Variants in ATP2B1 observed in about 807,000 individuals in gnomAD.
ATP2B1 encodes ATPase plasma membrane Ca2+ transporting 1, also known as plasma membrane calcium-transporting ATPase 1.
In ATP2B1, 14 loss-of-function variants were observed where a neutral mutation model predicts 124.2. That is an observed-to-expected ratio of 0.11 (90% confidence interval 0.07 to 0.18). The LOEUF is 0.18. ATP2B1 is among the 10% of genes least tolerant of loss of function. The pLI is 1.00. For synonymous variants in ATP2B1, 449 were observed against 492.4 expected, an observed-to-expected ratio of 0.91 and a Z score of 1.17; for missense variants, 763 against 1,466.1, an observed-to-expected ratio of 0.52 and a Z score of 7.83.
In ATP2B1 at chr12:89,608,200, G is replaced by A. The variant is rs562570953; in HGVS notation, c.2442+1737C>T. ...ATTTATTTATTTCAGACAGAGTCTC[G>A]CTCTGTCACCTAGGCTGGAGTGCAG... On this transcript the variant is annotated intron_variant, in intron 15 of 20. Transcript: ENST00000428670. Among the ~76,000 whole-genome samples, 66 of 152,118 alleles carry A rather than the reference G, an allele frequency of 4.3e-4. 1 individual carries two copies. Among genetic ancestry groups the A allele is most frequent in the South Asian group, 1.7e-3 (8 of 4,824 alleles).
At chr12:89,639,164 G>C (rs1177081681) in intron 3 of ATP2B1, among the ~76,000 whole-genome samples, 1 of 152,148 alleles carries the variant, frequency 6.6e-6, no homozygotes, top group African/African-American at 2.4e-5. Flanking sequence ...TCAGTGTTGA[G>C]ATGTAACGAG....
intron 3 of ATP2B1, among the ~76,000 whole-genome samples, chr12:89,639,533 T>A (rs922656127): frequency 2.7e-5 from 4 of 150,368 alleles, no homozygotes; most frequent in Middle Eastern, 3.6e-3. Flanking sequence ...TCTATATATT[T>A]TATATATATA....
intron 1 of ATP2B1, among the ~76,000 whole-genome samples, chr12:89,664,012 T>G (rs1053218776): frequency 6.6e-6 from 1 of 152,228 alleles, no homozygotes; most frequent in Non-Finnish European, 1.5e-5. Context: ...ATAATAAAAA[T>G]TTATTTGCAT....
intron 1 of ATP2B1, among the ~76,000 whole-genome samples, chr12:89,677,971 T>TATACACACACACACACACACACACAC (rs1461216851): frequency 1.9e-5 from 1 of 52,308 alleles, no homozygotes; most frequent in Non-Finnish European, 4.0e-5. Flanking sequence ...TATATATATA[T>TATACACACACACACACACACACACAC]ACACACACAC....
rs144784444 is a variant in ATP2B1 at position 89,642,729 on chromosome 12, C to T, written c.209-374G>A. Among the ~76,000 whole-genome samples, 74 of 152,172 alleles carry T rather than the reference C, an allele frequency of 4.9e-4. 1 individual carries two copies. In the East Asian group the frequency reaches 0.013, roughly 27 times the overall value. On this transcript the variant is annotated intron_variant, in intron 2 of 20. Transcript: ENST00000428670. ...AAGTGATTCTCCTACCTCACCTTCT[C>T]GAGTAGCTGGGACTATAGGTGCATG...
At chr12:89,649,058 A>G (rs1884895244) in intron 2 of ATP2B1, among the ~76,000 whole-genome samples, 1 of 152,266 alleles carries the variant, frequency 6.6e-6, no homozygotes, top group African/African-American at 2.4e-5. Flanking sequence ...TGGTGCCACA[A>G]GAGAAGCCCG....
At chr12:89,620,818 C>T (rs1019442458) in intron 10 of ATP2B1, among the ~76,000 whole-genome samples, 1 of 152,106 alleles carries the variant, frequency 6.6e-6, no homozygotes, top group African/African-American at 2.4e-5. Context: ...AAGAAGGTAG[C>T]TCAGACTTTC....
intron 1 of ATP2B1, among the ~76,000 whole-genome samples, chr12:89,693,674 TA>T (rs907098185): frequency 2.6e-5 from 4 of 152,254 alleles, no homozygotes; most frequent in African/African-American, 9.6e-5. Context: ...TGCTTGATTC[TA>T]AACAGTCTTT....
At chr12:89,625,725 A>T (rs1880769303) in intron 8 of ATP2B1, among the ~76,000 whole-genome samples, 1 of 152,196 alleles carries the variant, frequency 6.6e-6, no homozygotes, top group African/African-American at 2.4e-5. Context: ...CCAACACTAC[A>T]TGAGTCAGCA....
chr12:89,686,705 T>C lies in ATP2B1; in HGVS notation c.-222+21891A>G, dbSNP rs551274953. Among the ~76,000 whole-genome samples, 3 of 152,128 alleles carry C rather than the reference T, an allele frequency of 2.0e-5. No homozygotes were observed. The East Asian group carries it at 5.8e-4, about 29-fold the overall frequency. On this transcript the variant is annotated intron_variant, in intron 1 of 20. Transcript: ENST00000428670. ...GGCCATTTCCATGTTTCACTATGCC[T>C]ACATCGGTGCATGGCATATTTATGT...
At chr12:89,648,266 G>C (rs970130223) in intron 2 of ATP2B1, among the ~76,000 whole-genome samples, 1 of 152,150 alleles carries the variant, frequency 6.6e-6, no homozygotes, top group African/African-American at 2.4e-5. Flanking sequence ...CTGGTTAAAC[G>C]GTTCTGACCA....
chr12:89,660,264 C>G (rs1378195956), intron 1 of ATP2B1, among the ~76,000 whole-genome samples: 1 of 152,074 alleles, frequency 6.6e-6, no homozygotes, highest in Non-Finnish European at 1.5e-5. Context: ...AATCTATAAG[C>G]AACTCAAAGC....
chr12:89,629,583 A>ACTCAAATATTACAAACCACT (rs1881521514), intron 6 of ATP2B1, among the ~76,000 whole-genome samples: 1 of 152,222 alleles, frequency 6.6e-6, no homozygotes, highest in African/African-American at 2.4e-5. Flanking sequence ...CAAAACTCAA[A>ACTCAAATATTACAAACCACT]GAACAAAACA....
Position 89,632,611 on chromosome 12 carries a change from C to A in ATP2B1, c.788-1966G>T, listed in dbSNP as rs531595192. Among the ~76,000 whole-genome samples the A allele has an allele frequency of 3.3e-5, 5 of 152,256 alleles. No individual in the cohort carries two copies. In the South Asian group the frequency reaches 1.0e-3, roughly 32 times the overall value. ...AAAGTAAACAGTTTTAAGTCTTGGTCATATCCCCACCACTAACTGAATACT... is the reference window on the plus strand; with the variant it reads ...AAAGTAAACAGTTTTAAGTCTTGGTAATATCCCCACCACTAACTGAATACT... On this transcript the variant is annotated intron_variant, in intron 5 of 20. Coordinates refer to ENST00000428670, the MANE Select transcript of ATP2B1 (RefSeq NM_001366521.1).
intron 1 of ATP2B1, among the ~76,000 whole-genome samples, chr12:89,693,934 A>T (rs1366617600): frequency 1.3e-5 from 2 of 151,642 alleles, no homozygotes; most frequent in Non-Finnish European, 2.9e-5. Flanking sequence ...ATTATCCTAC[A>T]CCTCTCTCCA....
intron 1 of ATP2B1, among the ~76,000 whole-genome samples, chr12:89,665,384 A>G (rs1592915279): frequency 6.6e-6 from 1 of 152,200 alleles, no homozygotes; most frequent in African/African-American, 2.4e-5. Flanking sequence ...TAAATTTTTA[A>G]AAGTTTAACA....
At chr12:89,659,824 G>A (rs1886462729) in intron 1 of ATP2B1, among the ~76,000 whole-genome samples, 1 of 151,442 alleles carries the variant, frequency 6.6e-6, no homozygotes, top group African/African-American at 2.4e-5. Context: ...TCGGGAGGCT[G>A]AGGCAGGAGA....
chr12:89,661,682 T>C (rs1413068425), intron 1 of ATP2B1, among the ~76,000 whole-genome samples: 2 of 152,168 alleles, frequency 1.3e-5, no homozygotes, highest in Non-Finnish European at 2.9e-5. Context: ...AACTAAAAAA[T>C]AATTTTTGAC....
Position 89,601,446 on chromosome 12 carries a change from T to C in ATP2B1, c.3061-13A>G. ...GCACAATTATTATCTGGAGGAATAATCAAGAGTAAATTTACTTAAATCTTA... is the reference window on the plus strand; with the variant it reads ...GCACAATTATTATCTGGAGGAATAACCAAGAGTAAATTTACTTAAATCTTA... On this transcript the variant is annotated splice_polypyrimidine_tract_variant and intron_variant, in intron 18 of 20. Transcript: ENST00000428670. 1 of 1,485,962 alleles carries C rather than the reference T, an allele frequency of 6.7e-7. No homozygotes were observed. The highest frequency in any genetic ancestry group is 9.0e-7 in the Non-Finnish European group (1 of 1,105,554). The allele number at this position is 1,485,962 out of a possible 1,614,324, so 92.0% of individuals were successfully genotyped here.
Sources: gnomAD v4.1 joint callset for allele counts (sites outside exome capture counted in the v4.1 genomes callset) on GRCh38, gnomAD v4.1.1 for gene constraint, MANE v1.5 for transcripts, NCBI Gene and HGNC (gene_info 2026-07-23, HGNC 2026-07-21) for gene names.